Variants in KREMEN1 observed in about 807,000 individuals in gnomAD.
KREMEN1 encodes the protein kremen protein 1.
A neutral mutation model predicts 46.5 loss-of-function variants in KREMEN1; 30 were observed. The observed-to-expected ratio is 0.65, with a 90% CI of 0.48 to 0.88. The LOEUF (loss-of-function observed/expected upper bound fraction) is 0.88. Ranked by LOEUF, KREMEN1 falls within the 40% of genes least tolerant of loss-of-function variation. The pLI, the probability that KREMEN1 is intolerant of heterozygous loss-of-function variation, is 0.00. For synonymous variants in KREMEN1, 214 were observed against 230.6 expected (o/e 0.93, Z 0.65); for missense variants, 533 against 596.9 (o/e 0.89, Z 1.11).
At chr22:29,081,294 G>C (rs1003887318) in intron 1 of KREMEN1, among the ~76,000 whole-genome samples, 2 of 152,060 alleles carry the variant, frequency 1.3e-5, no homozygotes, top group Admixed American at 6.6e-5. Context: ...AATTCAGTAA[G>C]GGGGTCTGTG....
At chr22:29,120,844 C>T (rs2038344713) in intron 3 of KREMEN1, among the ~76,000 whole-genome samples, 1 of 152,188 alleles carries the variant, frequency 6.6e-6, no homozygotes, top group South Asian at 2.1e-4. Context: ...TATTTAAAGC[C>T]ACTAGGTTTG....
At chr22:29,131,916 A>T (rs1265530466) in intron 5 of KREMEN1, among the ~76,000 whole-genome samples, 2 of 106,822 alleles carry the variant, frequency 1.9e-5, no homozygotes. Context: ...CTTGTTGCCC[A>T]GTCTAGAGTG....
At chr22:29,093,399 G>A (rs988087838) in intron 1 of KREMEN1, among the ~76,000 whole-genome samples, 1 of 151,726 alleles carries the variant, frequency 6.6e-6, no homozygotes, top group Admixed American at 6.6e-5. Context: ...TTAAAAAATT[G>A]TTCTTTGTAC....
chr22:29,144,941 G>A lies in KREMEN1; in HGVS notation c.*2829G>A, dbSNP rs142508263. 361 of 985,542 alleles carry A rather than the reference G, an allele frequency of 3.7e-4. 4 individuals are homozygous for A. In the Middle Eastern group the frequency reaches 5.2e-3, roughly 14 times the overall value. The allele number at this position is 985,542 out of a possible 1,614,324, so 61.0% of individuals were successfully genotyped here. A position where few individuals can be genotyped will look rare whatever the true frequency, so the allele number is the denominator to read the frequency against. On this transcript the variant is annotated 3_prime_UTR_variant, in exon 9 of 9. Transcript: ENST00000400335. ...TCTCTTCCTGCCTCGCCCTGGCATG[G>A]CCCAGCGCCTCTAGGATCAACTTAC...
downstream of KREMEN1, among the ~76,000 whole-genome samples, chr22:29,148,413 G>A (rs536530886): frequency 5.3e-5 from 8 of 152,198 alleles, no homozygotes; most frequent in Non-Finnish European, 1.2e-4. Flanking sequence ...AGGAGACAAG[G>A]ACTCCCCTGG....
At chr22:29,151,537 G>A (rs1402425501), downstream of KREMEN1, among the ~76,000 whole-genome samples, 1 of 152,152 alleles carries the variant, frequency 6.6e-6, no homozygotes, top group Non-Finnish European at 1.5e-5. Flanking sequence ...TGAGGAGTCG[G>A]GGGATGGGGG....
intron 9 of KREMEN1, among the ~76,000 whole-genome samples, chr22:29,164,244 A>G (rs866487549): frequency 9.3e-4 from 142 of 152,362 alleles, no homozygotes; most frequent in African/African-American, 3.1e-3. Flanking sequence ...GTCAAAGAGG[A>G]ATCTGGACAC....
intron 1 of KREMEN1, among the ~76,000 whole-genome samples, chr22:29,090,698 C>T (rs895475908): frequency 2.6e-5 from 4 of 152,134 alleles, no homozygotes; most frequent in Non-Finnish European, 4.4e-5. Flanking sequence ...ACCTAACATA[C>T]ACCCTAGTAC....
At chr22:29,120,825 A>C (rs1386398140) in intron 3 of KREMEN1, among the ~76,000 whole-genome samples, 1 of 152,078 alleles carries the variant, frequency 6.6e-6, no homozygotes, top group African/African-American at 2.4e-5. Flanking sequence ...AAAGATAATA[A>C]ATTTATGTTA....
chr22:29,121,258 T>C (rs2145813822), intron 3 of KREMEN1, 99 bp from the exon 4 acceptor site: 1 of 1,413,624 alleles, frequency 7.1e-7, no homozygotes, highest in Non-Finnish European at 9.8e-7. Context: ...GGAGTGGAAA[T>C]ACTGGCTGAG....
At chr22:29,087,397 AAT>A (rs1447959467) in intron 1 of KREMEN1, among the ~76,000 whole-genome samples, 1 of 152,196 alleles carries the variant, frequency 6.6e-6, no homozygotes, top group Non-Finnish European at 1.5e-5. Context: ...GAAAACCAAG[AAT>A]ATAGAGAAAA....
intron 3 of KREMEN1, among the ~76,000 whole-genome samples, chr22:29,117,241 C>G (rs532142219): frequency 2.6e-5 from 4 of 152,192 alleles, no homozygotes; most frequent in South Asian, 2.1e-4. Context: ...TAAACTGGAC[C>G]ATGCTGTTTT....
chr22:29,151,227 G>A (rs2038912512), downstream of KREMEN1, among the ~76,000 whole-genome samples: 1 of 152,104 alleles, frequency 6.6e-6, no homozygotes, highest in Non-Finnish European at 1.5e-5. Flanking sequence ...ACCCTTCCAT[G>A]GACCTCAGGT....
intron 9 of KREMEN1, among the ~76,000 whole-genome samples, chr22:29,165,174 AAAAAAT>A (rs959853099): frequency 6.6e-6 from 1 of 152,046 alleles, no homozygotes; most frequent in Non-Finnish European, 1.5e-5. Context: ...CTCCATCTCA[AAAAAAT>A]AAAAATAAAA....
chr22:29,090,293 G>T lies in KREMEN1; in HGVS notation c.98-3965G>T, dbSNP rs16987043. ...TTTAGCCAAAGCTTACATCAGTTTC[G>T]TAGCAGTAGAAAATAAGGGAGGCTG... On this transcript the variant is annotated intron_variant, in intron 1 of 8. Transcript: ENST00000400335. 3.3e-3 allele frequency among the ~76,000 whole-genome samples: 508 copies of T among 152,250 alleles called. 7 individuals carry two copies. In the East Asian group the frequency reaches 0.035, roughly 11 times the overall value.
intron 3 of KREMEN1, among the ~76,000 whole-genome samples, chr22:29,102,214 G>A (rs966232913): frequency 6.6e-6 from 1 of 152,144 alleles, no homozygotes; most frequent in African/African-American, 2.4e-5. Context: ...GCATCTGAAT[G>A]CTGAGGCCTC....
intron 5 of KREMEN1, among the ~76,000 whole-genome samples, chr22:29,131,424 CTTTTT>C (rs1006431006): frequency 7.1e-6 from 1 of 140,380 alleles, no homozygotes; most frequent in Non-Finnish European, 1.5e-5. Flanking sequence ...GAGATTAGGA[CTTTTT>C]TTTTTTATCA....
Position 29,073,264 on chromosome 22 carries a change from G to A in KREMEN1, c.97+37G>A. 1.0e-6 allele frequency: 1 copy of A among 991,066 alleles called. No homozygotes were observed. The highest frequency in any genetic ancestry group is 4.8e-5 in the South Asian group (1 of 20,644). 61.4% of individuals were successfully genotyped at this position (991,066 alleles called of 1,614,324 possible). On this transcript the variant is annotated intron_variant, in intron 1 of 8. Coordinates refer to ENST00000400335, the MANE Select transcript of KREMEN1 (RefSeq NM_001039570.3). This position sits in a 1 kb window ranked among gnomAD's most constrained non-coding sequence, Gnocchi z 4.4. ...CGACCCCCCGCCGCCCGCCCTGAGCGGAGCCCACTCGAGGGGCGACAAGGG... is the reference window on the plus strand; with the variant it reads ...CGACCCCCCGCCGCCCGCCCTGAGCAGAGCCCACTCGAGGGGCGACAAGGG...
intron 3 of KREMEN1, among the ~76,000 whole-genome samples, chr22:29,121,140 G>A (rs1292290823): frequency 1.3e-5 from 2 of 149,478 alleles, no homozygotes; most frequent in African/African-American, 4.9e-5. Context: ...GTTAAATGTA[G>A]ACCTAGTCTC....
Sources: gnomAD v4.1 joint callset for allele counts (sites outside exome capture counted in the v4.1 genomes callset) on GRCh38, gnomAD v4.1.1 for gene constraint, Gnocchi (gnomAD v3.1) non-coding constraint, MANE v1.5 for transcripts, NCBI Gene and HGNC (gene_info 2026-07-23, HGNC 2026-07-21) for gene names.